DPYD: variants seen among roughly 807,000 people sequenced by gnomAD.
The protein encoded by DPYD is dihydropyrimidine dehydrogenase [NADP(+)].
In DPYD, 109 loss-of-function variants were observed where a neutral mutation model predicts 116.2. The ratio of observed to expected loss-of-function variants is 0.94; its 90% CI spans 0.80 to 1.10. The LOEUF (loss-of-function observed/expected upper bound fraction) is 1.10. Among genes scored for constraint, DPYD ranks in the 50% least tolerant of loss-of-function variants. The probability of loss-of-function intolerance (pLI) is 0.00; values close to 1 mark genes in which losing one functional copy is unlikely to be tolerated. For missense variants in DPYD, 1,302 were observed against 1,254.5 expected, an observed-to-expected ratio of 1.04 and a Z score of -0.57; for synonymous variants, 440 against 432.0, an observed-to-expected ratio of 1.02 and a Z score of -0.23.
intron 20 of DPYD, among the ~76,000 whole-genome samples, chr1:97,191,566 T>C (rs1658368972): frequency 6.6e-6 from 1 of 152,202 alleles, no homozygotes; most frequent in South Asian, 2.1e-4. Flanking sequence ...TCCATTTATG[T>C]CATTGACACA....
chr1:97,753,625 A>C (rs1665058272), intron 3 of DPYD, among the ~76,000 whole-genome samples: 1 of 152,160 alleles, frequency 6.6e-6, no homozygotes, highest in African/African-American at 2.4e-5. Flanking sequence ...CAAGCAAACA[A>C]AAATTCCTCA....
At chr1:97,748,540 C>T (rs559605624) in intron 3 of DPYD, among the ~76,000 whole-genome samples, 63 of 152,010 alleles carry the variant, frequency 4.1e-4, no homozygotes, top group Non-Finnish European at 7.4e-4. Flanking sequence ...ACCTGGGAGG[C>T]GGAGGTTGCA....
intron 2 of DPYD, among the ~76,000 whole-genome samples, chr1:97,854,422 T>C (rs1571473640): frequency 6.6e-6 from 1 of 152,158 alleles, no homozygotes; most frequent in Non-Finnish European, 1.5e-5. Context: ...ATGTAATACA[T>C]GGTTATAGTT....
chr1:97,394,205 T>G (rs1672884873), intron 14 of DPYD: 1 of 152,150 alleles, frequency 6.6e-6, no homozygotes, highest in Admixed American at 6.6e-5. Context: ...CTTTGTCAGA[T>G]GAGCAGATTG....
chr1:97,718,699 G>GT (rs889265448), intron 5 of DPYD, among the ~76,000 whole-genome samples: 8 of 150,446 alleles, frequency 5.3e-5, no homozygotes, highest in South Asian at 2.1e-4. Flanking sequence ...ATGTAAAATC[G>GT]TTTTTTTTCA....
chr1:97,831,568 T>C (rs531856071), intron 2 of DPYD, among the ~76,000 whole-genome samples: 13 of 152,120 alleles, frequency 8.5e-5, no homozygotes, highest in Non-Finnish European at 1.0e-4. Flanking sequence ...GGGGACTTAC[T>C]TTACAGGATA....
At chr1:97,399,671 G>GT (rs1673243318) in intron 14 of DPYD, among the ~76,000 whole-genome samples, 1 of 152,058 alleles carries the variant, frequency 6.6e-6, no homozygotes, top group Non-Finnish European at 1.5e-5. Flanking sequence ...CACATCCCTT[G>GT]TAAGTTGGAT....
intron 18 of DPYD, among the ~76,000 whole-genome samples, chr1:97,261,497 T>C (rs1663873076): frequency 2.7e-5 from 2 of 74,634 alleles, no homozygotes; most frequent in Non-Finnish European, 5.8e-5. Flanking sequence ...ATGCATCTTT[T>C]TTTTTTTTTT....
At chr1:97,710,401 T>C (rs1382912451) in intron 5 of DPYD, among the ~76,000 whole-genome samples, 1 of 151,858 alleles carries the variant, frequency 6.6e-6, no homozygotes, top group Non-Finnish European at 1.5e-5. Flanking sequence ...AAAAGAAATA[T>C]ACTTGGGCTT....
intron 14 of DPYD, among the ~76,000 whole-genome samples, chr1:97,443,582 C>A (rs1675919347): frequency 6.6e-6 from 1 of 152,208 alleles, no homozygotes; most frequent in African/African-American, 2.4e-5. Context: ...CCCTTCAGTA[C>A]AGAGACTTAC....
intron 16 of DPYD, among the ~76,000 whole-genome samples, chr1:97,360,019 G>A (rs188164658): frequency 3.3e-5 from 5 of 151,876 alleles, no homozygotes; most frequent in African/African-American, 1.2e-4. Flanking sequence ...CTGGCAAACT[G>A]GATATTCAAG....
At chr1:97,559,600 T>A (rs1382852693) in intron 11 of DPYD, among the ~76,000 whole-genome samples, 1 of 152,142 alleles carries the variant, frequency 6.6e-6, no homozygotes, top group Non-Finnish European at 1.5e-5. Flanking sequence ...AATTTTAGCT[T>A]TAGCAGCTCA....
At chr1:97,147,945 C>T (rs976747332) in intron 20 of DPYD, among the ~76,000 whole-genome samples, 1 of 152,012 alleles carries the variant, frequency 6.6e-6, no homozygotes, top group Admixed American at 6.6e-5. Flanking sequence ...AGTGTGTGCA[C>T]TTTGGATAGA....
chr1:97,492,635 T>C (rs1173500263), intron 13 of DPYD, among the ~76,000 whole-genome samples: 2 of 152,174 alleles, frequency 1.3e-5, no homozygotes, highest in Non-Finnish European at 2.9e-5. Context: ...AGAATGAGCA[T>C]GCACAATAAA....
At chr1:97,300,237 C>T (rs930242039) in intron 18 of DPYD, among the ~76,000 whole-genome samples, 4 of 152,024 alleles carry the variant, frequency 2.6e-5, no homozygotes, top group Non-Finnish European at 4.4e-5. Flanking sequence ...GAAGGCTCTC[C>T]TTTTAATTAT....
At chr1:97,173,372 A>G (rs139916362) in intron 20 of DPYD, among the ~76,000 whole-genome samples, 99 of 150,442 alleles carry the variant, frequency 6.6e-4, no homozygotes, top group Non-Finnish European at 6.5e-4. Context: ...ATATACATAT[A>G]TGTGTGTATA....
At chr1:97,364,468 T>C (rs571416895) in intron 16 of DPYD, among the ~76,000 whole-genome samples, 2 of 152,216 alleles carry the variant, frequency 1.3e-5, no homozygotes, top group East Asian at 1.9e-4. Context: ...GAGTCAAAGA[T>C]GTTTAAGACA....
At chr1:97,191,235 A>G (rs938825442) in intron 20 of DPYD, among the ~76,000 whole-genome samples, 2 of 152,094 alleles carry the variant, frequency 1.3e-5, no homozygotes, top group African/African-American at 4.8e-5. Flanking sequence ...ACCAAAAAAA[A>G]GAACGATTAG....
chr1:97,334,452 G>A lies in DPYD; in HGVS notation c.2059-28155C>T, dbSNP rs1360984946. 1.4e-4 allele frequency among the ~76,000 whole-genome samples: 20 copies of A among 145,642 alleles called. No homozygotes were observed. In the Admixed American group the frequency reaches 1.4e-3, roughly 10 times the overall value. ...TGCATGGTCATTGTTCAACTCATCT[G>A]TCTACATTAAAAAACAAACAAACAA... On this transcript the variant is annotated intron_variant, in intron 16 of 22. Coordinates refer to ENST00000370192, the MANE Select transcript of DPYD (RefSeq NM_000110.4).
Sources: allele counts gnomAD v4.1 joint callset (sites outside exome capture counted in the v4.1 genomes callset), GRCh38; gene constraint gnomAD v4.1.1; transcripts MANE v1.5; gene names NCBI Gene and HGNC (gene_info 2026-07-23, HGNC 2026-07-21).